Variants in NEBL observed in about 807,000 individuals in gnomAD.
NEBL encodes LIM and SH3 protein 2.
NEBL carries 122 observed loss-of-function variants against 140.2 expected under a neutral mutation model. The ratio of observed to expected loss-of-function variants is 0.87; its 90% CI spans 0.75 to 1.01. The LOEUF (loss-of-function observed/expected upper bound fraction) is 1.01, where lower values mean the gene tolerates loss of function less well. Among genes scored for constraint, NEBL ranks in the 50% least tolerant of loss-of-function variants. NEBL has a pLI of 0.00. For synonymous variants in NEBL, 436 were observed against 398.9 expected, an observed-to-expected ratio of 1.09 and a Z score of -1.11; for missense variants, 1,365 against 1,231.3, an observed-to-expected ratio of 1.11 and a Z score of -1.62.
intron 3 of NEBL, among the ~76,000 whole-genome samples, chr10:21,193,029 TAAG>T (rs1291144311): frequency 6.6e-6 from 1 of 152,062 alleles, no homozygotes; most frequent in African/African-American, 2.4e-5. Context: ...TGTTCAGCGA[TAAG>T]AAGTTTGCTG....
chr10:21,287,189 G>A (rs1843067935), intron 1 of NEBL, among the ~76,000 whole-genome samples: 1 of 152,134 alleles, frequency 6.6e-6, no homozygotes, highest in South Asian at 2.1e-4. Flanking sequence ...AAGAATCCAG[G>A]AAGTCATGAG....
chr10:21,044,428 G>T (rs1211081385), intron 2 of NEBL, among the ~76,000 whole-genome samples: 2 of 29,934 alleles, frequency 6.7e-5, no homozygotes, highest in Admixed American at 3.5e-4. Context: ...AAAAAAAAAA[G>T]CTCCTAACTG....
intron 2 of NEBL, among the ~76,000 whole-genome samples, chr10:21,030,953 C>G (rs190456226): frequency 2.6e-5 from 4 of 152,178 alleles, no homozygotes; most frequent in Non-Finnish European, 5.9e-5. Flanking sequence ...TAGGACACAC[C>G]GGTGTGCACT....
chr10:21,125,678 T>C (rs1838789512), intron 2 of NEBL: 3 of 563,642 alleles, frequency 5.3e-6, no homozygotes, highest in Non-Finnish European at 6.3e-6. Flanking sequence ...AAATGAGAAA[T>C]AAAAGCACAC....
At chr10:20,830,869 A>T (rs981858934) in intron 16 of NEBL, among the ~76,000 whole-genome samples, 4 of 144,860 alleles carry the variant, frequency 2.8e-5, no homozygotes, top group Non-Finnish European at 6.0e-5. Context: ...GTGCCACTGC[A>T]TTCCAGCCTG....
At chr10:20,837,003 T>C (rs1840966917) in intron 13 of NEBL, among the ~76,000 whole-genome samples, 1 of 152,174 alleles carries the variant, frequency 6.6e-6, no homozygotes, top group African/African-American at 2.4e-5. Flanking sequence ...CCTCTATCTC[T>C]TTCCCTCTCT....
intron 2 of NEBL, among the ~76,000 whole-genome samples, chr10:21,080,547 C>T (rs970607289): frequency 6.6e-5 from 10 of 152,176 alleles, no homozygotes; most frequent in Admixed American, 3.9e-4. Flanking sequence ...CTTAGGGTCT[C>T]ACAGACTAGA....
intron 3 of NEBL, among the ~76,000 whole-genome samples, chr10:21,242,787 G>T (rs561069762): frequency 2.0e-4 from 31 of 152,204 alleles, no homozygotes; most frequent in Admixed American, 1.9e-3. Flanking sequence ...TTTCAAGCTA[G>T]GACTGGAAAA....
intron 21 of NEBL, 33 bp from the exon 22 acceptor site, chr10:20,815,750 A>G (rs1239530310): frequency 9.4e-6 from 13 of 1,381,400 alleles, no homozygotes; most frequent in Non-Finnish European, 1.2e-5. Context: ...ATAGAATACT[A>G]TGAATCAATT....
chr10:21,275,930 T>C (rs1225927077), intron 1 of NEBL, among the ~76,000 whole-genome samples: 1 of 140,718 alleles, frequency 7.1e-6, no homozygotes, highest in Non-Finnish European at 1.5e-5. Flanking sequence ...AGTGCTGGGA[T>C]TGGGATTACA....
chr10:20,957,846 T>A (rs902179947), intron 4 of NEBL, among the ~76,000 whole-genome samples: 1 of 152,198 alleles, frequency 6.6e-6, no homozygotes, highest in Non-Finnish European at 1.5e-5. Context: ...AACATCCAGT[T>A]TTCATCTATG....
At chr10:21,045,362 C>T (rs892958578) in intron 2 of NEBL, among the ~76,000 whole-genome samples, 4 of 152,172 alleles carry the variant, frequency 2.6e-5, no homozygotes, top group Non-Finnish European at 5.9e-5. Flanking sequence ...CAATCTCAAT[C>T]TCGCGATACT....
At chr10:20,968,031 T>C (rs536741121) in intron 3 of NEBL, among the ~76,000 whole-genome samples, 86 of 152,260 alleles carry the variant, frequency 5.6e-4, no homozygotes, top group South Asian at 1.2e-3. Context: ...ACTTGGGTTT[T>C]TTCGTAAATG....
chr10:20,852,520 A>C, intron 10 of NEBL, 25 bp downstream of exon 10: 47 of 1,496,994 alleles, frequency 3.1e-5, no homozygotes, highest in Middle Eastern at 3.5e-4. Flanking sequence ...CAGGGAGGGT[A>C]GGTACCGTAC....
intron 2 of NEBL, among the ~76,000 whole-genome samples, chr10:21,106,747 A>T (rs1220434635): frequency 1.3e-5 from 2 of 152,048 alleles, no homozygotes; most frequent in East Asian, 1.9e-4. Flanking sequence ...CTTGATGGGG[A>T]TAGTATTGAA....
rs1833674067 is a variant in NEBL at position 21,029,206 on chromosome 10, C to A, written c.165-9005G>T. On this transcript the variant is annotated intron_variant, in intron 2 of 6. Transcript: ENST00000417816. ...TGTGTATAGGGCGCCTCCAATTGAC[C>A]ATTCCATCCTTCCCACTGCTCCACC... The A allele has an allele frequency of 9.7e-6, 14 of 1,438,064 alleles. No individual in the cohort carries two copies. In the East Asian group the frequency reaches 2.7e-4, roughly 28 times the overall value. 89.1% of individuals were successfully genotyped at this position (1,438,064 alleles called of 1,614,324 possible). A position where few individuals can be genotyped will look rare whatever the true frequency, so the allele number is the denominator to read the frequency against.
At chr10:21,003,645 G>C (rs1464981383) in intron 3 of NEBL, among the ~76,000 whole-genome samples, 3 of 152,016 alleles carry the variant, frequency 2.0e-5, no homozygotes, top group Non-Finnish European at 4.4e-5. Context: ...TTCTTGAATC[G>C]ACTTCGGTTG....
chr10:20,943,031 T>G (rs10828160), intron 4 of NEBL, among the ~76,000 whole-genome samples: 21,480 of 152,092 alleles, frequency 0.14, 1,877 homozygotes, highest in African/African-American at 0.26. Flanking sequence ...GTCAGTGTGG[T>G]GATTCCTCAG....
intron 3 of NEBL, among the ~76,000 whole-genome samples, chr10:21,000,156 C>T (rs1378221966): frequency 1.6e-5 from 2 of 126,410 alleles, no homozygotes; most frequent in East Asian, 4.6e-4. Context: ...AAAAGCCAGG[C>T]AGAGGGGGGC....
Sources: gnomAD v4.1 joint callset for allele counts (sites outside exome capture counted in the v4.1 genomes callset) on GRCh38, gnomAD v4.1.1 for gene constraint, MANE v1.5 for transcripts, NCBI Gene and HGNC (gene_info 2026-07-23, HGNC 2026-07-21) for gene names.